The following CA6 variants were observed in gnomAD, a reference collection of about 807,000 sequenced individuals.
The protein encoded by CA6 is carbonic anhydrase 6, also known as carbonate dehydratase VI.
Under a neutral mutation model 35.9 loss-of-function variants are expected in CA6, and 28 were observed. The observed-to-expected ratio is 0.78, with a 90% CI of 0.58 to 1.07. The LOEUF (loss-of-function observed/expected upper bound fraction) is 1.07, where lower values mean the gene tolerates loss of function less well. Among genes scored for constraint, CA6 ranks in the 50% least tolerant of loss-of-function variants. The pLI, the probability that CA6 is intolerant of heterozygous loss-of-function variation, is 0.00. For missense variants in CA6, 377 were observed against 382.0 expected (o/e 0.99, Z 0.11); for synonymous variants, 148 against 152.6 (o/e 0.97, Z 0.22).
chr1:8,973,974 C>A (rs939129945), intron 7 of CA6, among the ~76,000 whole-genome samples: 1 of 152,062 alleles, frequency 6.6e-6, no homozygotes, highest in South Asian at 2.1e-4. Context: ...GTAGCATGTA[C>A]CACCACACCC....
intron 2 of CA6, chr1:8,952,296 C>A (rs1458637270): frequency 1.3e-5 from 2 of 151,690 alleles, no homozygotes; most frequent in Non-Finnish European, 2.9e-5. Context: ...ACCACCACCC[C>A]CAGCTAATTT....
chr1:8,968,832 A>G (rs912660526), intron 6 of CA6, among the ~76,000 whole-genome samples: 1 of 151,570 alleles, frequency 6.6e-6, no homozygotes, highest in Non-Finnish European at 1.5e-5. Context: ...CCTGGCCAAC[A>G]TGGTGGAACC....
chr1:8,962,454 A>C (rs773503203), intron 4 of CA6, 133 bp from the exon 5 acceptor site: 91 of 725,004 alleles, frequency 1.3e-4, no homozygotes, highest in Non-Finnish European at 1.9e-4. Context: ...GCCAAAACAC[A>C]AGACGGCACA....
At chr1:8,948,208 C>G (rs1268462908) in intron 1 of CA6, among the ~76,000 whole-genome samples, 2 of 152,084 alleles carry the variant, frequency 1.3e-5, no homozygotes, top group Non-Finnish European at 2.9e-5. Flanking sequence ...GAACAGGGAA[C>G]AGAGGTGGGA....
chr1:8,963,185 C>T lies in CA6; in HGVS notation c.571+529C>T, dbSNP rs750093203. Reference sequence around the variant, plus strand: ...ATAGCTCTGCATCCTCGACTTCACACGTCCCATTCCGGCCACACCTCCCAG... The same window carrying T: ...ATAGCTCTGCATCCTCGACTTCACATGTCCCATTCCGGCCACACCTCCCAG... On this transcript the variant is annotated intron_variant, in intron 5 of 7. Coordinates refer to ENST00000377443, the MANE Select transcript of CA6 (RefSeq NM_001215.4). The surrounding 1 kb of genome is among the most constrained non-coding windows in gnomAD (Gnocchi z 4.1). Among the ~76,000 whole-genome samples the T allele has an allele frequency of 6.6e-6, 1 of 152,198 alleles. No individual in the cohort carries two copies. Among genetic ancestry groups the T allele is most frequent in the Non-Finnish European group, 1.5e-5 (1 of 68,042 alleles).
At chr1:8,948,099 C>T (rs555559221) in intron 1 of CA6, among the ~76,000 whole-genome samples, 6 of 152,036 alleles carry the variant, frequency 3.9e-5, no homozygotes, top group South Asian at 2.1e-4. Context: ...CCACCCGCCT[C>T]GGCCTCCCAA....
chr1:8,971,069 T>C (rs1355896678), intron 7 of CA6, 88 bp downstream of exon 7: 10 of 899,602 alleles, frequency 1.1e-5, no homozygotes, highest in East Asian at 5.0e-5. Context: ...TCTGGTGATA[T>C]AAGGGAAGGA....
At chr1:8,955,045 CCA>C in intron 2 of CA6, among the ~76,000 whole-genome samples, 1 of 61,564 alleles carries the variant, frequency 1.6e-5, no homozygotes, top group African/African-American at 4.5e-5. Context: ...CGGCACTGAT[CCA>C]TTAATATATA....
chr1:8,950,220 T>G (rs1400245078), intron 2 of CA6, among the ~76,000 whole-genome samples: 1 of 151,988 alleles, frequency 6.6e-6, no homozygotes, highest in African/African-American at 2.4e-5. Context: ...TGACCTCAAG[T>G]TATCTGCCCA....
At chr1:8,973,315 G>C (rs956562147) in intron 7 of CA6, among the ~76,000 whole-genome samples, 1 of 152,072 alleles carries the variant, frequency 6.6e-6, no homozygotes, top group Non-Finnish European at 1.5e-5. Flanking sequence ...CACTGTGCCC[G>C]GCCTGTCTCC....
Position 8,951,496 on chromosome 1 carries a change from G to A in CA6, c.259+2054G>A, listed in dbSNP as rs765266550. On this transcript the variant is annotated intron_variant, in intron 2 of 7. Transcript: ENST00000377443. ...AAGGGGCGAAGCACAAAGGCCAAAG[G>A]CAGTGGCTTTGTTCACCCTCCCTGG... 6.5e-6 allele frequency: 5 copies of A among 765,062 alleles called. No homozygotes were observed. In the African/African-American group the frequency reaches 8.5e-5, roughly 13 times the overall value. 47.4% of individuals were successfully genotyped at this position (765,062 alleles called of 1,614,324 possible).
intron 4 of CA6, among the ~76,000 whole-genome samples, chr1:8,961,390 G>C (rs889976322): frequency 6.6e-6 from 1 of 152,150 alleles, no homozygotes; most frequent in Non-Finnish European, 1.5e-5. Flanking sequence ...TATAATATAT[G>C]TAGATATAAT....
Position 8,974,164 on chromosome 1 carries a change from A to G in CA6, c.845-458A>G, listed in dbSNP as rs907343340. Among the ~76,000 whole-genome samples, 4 of 152,240 alleles carry G rather than the reference A, an allele frequency of 2.6e-5. No homozygotes were observed. In the East Asian group the frequency reaches 7.7e-4, roughly 29 times the overall value. The stretch of plus-strand genomic sequence containing the variant: ...ATGTAGCAGTGATTGGCTGTGGTCA[A>G]CCCAGCTGCGTGACTCATGGTATTT... On this transcript the variant is annotated intron_variant, in intron 7 of 7. Coordinates refer to ENST00000377443, the MANE Select transcript of CA6 (RefSeq NM_001215.4).
intron 1 of CA6, among the ~76,000 whole-genome samples, 154 bp downstream of exon 1, chr1:8,946,119 C>A (rs1188715242): frequency 1.3e-5 from 2 of 151,960 alleles, no homozygotes; most frequent in Admixed American, 1.3e-4. Context: ...CTCACTGCAA[C>A]CTCCGCCTCC....
chr1:8,962,726 AG>A, intron 5 of CA6, 70 bp downstream of exon 5: 2 of 1,337,906 alleles, frequency 1.5e-6, no homozygotes, highest in Non-Finnish European at 1.1e-6. Flanking sequence ...AGGTGGGCCC[AG>A]GGGGCAGGGG....
chr1:8,960,350 C>T (rs1413134002), intron 4 of CA6, among the ~76,000 whole-genome samples: 1 of 149,936 alleles, frequency 6.7e-6, no homozygotes, highest in African/African-American at 2.5e-5. Context: ...AGTGATTAAG[C>T]AGACAGGACT....
intron 4 of CA6, 51 bp downstream of exon 4, chr1:8,959,053 T>C (rs371772076): frequency 4.9e-5 from 53 of 1,082,844 alleles, no homozygotes; most frequent in Non-Finnish European, 7.3e-5. Context: ...TAGGTTGATG[T>C]CCAAACAAGG....
intron 6 of CA6, among the ~76,000 whole-genome samples, chr1:8,969,444 T>C (rs1057179140): frequency 6.6e-6 from 1 of 151,678 alleles, no homozygotes; most frequent in African/African-American, 2.4e-5. Flanking sequence ...GAGATGGAAC[T>C]ATGAAAAGAA....
chr1:8,950,083 G>A (rs1020280825), intron 2 of CA6, among the ~76,000 whole-genome samples: 3 of 151,964 alleles, frequency 2.0e-5, no homozygotes, highest in African/African-American at 7.3e-5. Flanking sequence ...GGGTTCAAGC[G>A]ATTCTCCTGC....
Sources: gnomAD v4.1 joint callset for allele counts (sites outside exome capture counted in the v4.1 genomes callset) on GRCh38, gnomAD v4.1.1 for gene constraint, Gnocchi (gnomAD v3.1) non-coding constraint, MANE v1.5 for transcripts, NCBI Gene and HGNC (gene_info 2026-07-23, HGNC 2026-07-21) for gene names.